CADM2: variants seen among roughly 807,000 people sequenced by gnomAD.
The protein encoded by CADM2 is cell adhesion molecule 2.
A neutral mutation model predicts 49.8 loss-of-function variants in CADM2; 12 were observed. That is an observed-to-expected ratio of 0.24 (90% CI 0.15 to 0.39). The LOEUF (loss-of-function observed/expected upper bound fraction) is 0.39. Ranked by LOEUF, CADM2 falls within the 10% of genes least tolerant of loss-of-function variation. CADM2 has a pLI of 1.00. For missense variants in CADM2, 378 were observed against 492.3 expected (o/e 0.77, Z 2.20); for synonymous variants, 214 against 175.4 (o/e 1.22, Z -1.74).
At chr3:85,410,094 C>T (rs1014250427) in intron 1 of CADM2, among the ~76,000 whole-genome samples, 1 of 152,124 alleles carries the variant, frequency 6.6e-6, no homozygotes, top group Non-Finnish European at 1.5e-5. Context: ...GAAAGGAATA[C>T]AGGCTGCCAA....
At chr3:85,850,205 A>G (rs1296122319) in intron 3 of CADM2, among the ~76,000 whole-genome samples, 4 of 151,790 alleles carry the variant, frequency 2.6e-5, no homozygotes, top group African/African-American at 9.7e-5. Context: ...AAGGATTATT[A>G]TCACTGTGCC....
chr3:85,240,485 A>G lies in CADM2; in HGVS notation c.61+280817A>G, dbSNP rs537528033. Among the ~76,000 whole-genome samples the G allele has an allele frequency of 3.6e-4, 55 of 151,612 alleles. 1 individual carries two copies. The highest frequency in any genetic ancestry group is 6.7e-4 in the Non-Finnish European group (45 of 67,556). ...CAACATCAACAACATATTCAATCAT[A>G]ATATATTATCAGACTAGGTTAATAG... is the stretch of plus-strand genomic sequence containing the variant. On this transcript the variant is annotated intron_variant, in intron 1 of 9. Coordinates refer to ENST00000383699, the MANE Select transcript of CADM2 (RefSeq NM_001167675.2).
In CADM2 at chr3:85,373,212, C is replaced by T. The variant is rs568006331; in HGVS notation, c.62-353310C>T. Reference sequence around the variant, plus strand: ...TTATTTTCTAGATACGATGGGGCTACAGGCATTGGTAAATACACCCATTCC... The same window carrying T: ...TTATTTTCTAGATACGATGGGGCTATAGGCATTGGTAAATACACCCATTCC... On this transcript the variant is annotated intron_variant, in intron 1 of 9. Coordinates refer to ENST00000383699, the MANE Select transcript of CADM2 (RefSeq NM_001167675.2). Among the ~76,000 whole-genome samples, 136 of 152,262 alleles carry T rather than the reference C, an allele frequency of 8.9e-4. 3 individuals carry two copies. Among genetic ancestry groups the T allele is most frequent in the Admixed American group, 8.6e-3 (132 of 15,288 alleles).
chr3:85,322,185 G>A (rs114456153), intron 1 of CADM2, among the ~76,000 whole-genome samples: 265 of 152,180 alleles, frequency 1.7e-3, no homozygotes, highest in African/African-American at 5.9e-3. Context: ...ATATAACCTC[G>A]AAAATAGTAG....
chr3:85,583,064 G>A (rs2062840871), intron 1 of CADM2, among the ~76,000 whole-genome samples: 1 of 152,052 alleles, frequency 6.6e-6, no homozygotes, highest in South Asian at 2.1e-4. Context: ...TATGTTGGTG[G>A]GGATTTTTAA....
At chr3:85,148,258 C>G (rs1311376135) in intron 1 of CADM2, among the ~76,000 whole-genome samples, 4 of 152,122 alleles carry the variant, frequency 2.6e-5, no homozygotes, top group African/African-American at 9.7e-5. Flanking sequence ...GCAGAGCTTC[C>G]TAGGCTGCTA....
chr3:85,455,488 G>T (rs766732915), intron 1 of CADM2, among the ~76,000 whole-genome samples: 10 of 152,164 alleles, frequency 6.6e-5, no homozygotes, highest in African/African-American at 1.4e-4. Context: ...TTGATAAGCA[G>T]AAAAATGTCT....
At chr3:85,693,566 C>CAAAAAAAAA (rs562723713) in intron 1 of CADM2, among the ~76,000 whole-genome samples, 11 of 76,104 alleles carry the variant, frequency 1.4e-4, no homozygotes, top group East Asian at 3.9e-4. Flanking sequence ...GGCGAAAGAG[C>CAAAAAAAAA]AAAAAAAAAA....
chr3:85,667,592 T>G (rs921942067), intron 1 of CADM2, among the ~76,000 whole-genome samples: 2 of 151,956 alleles, frequency 1.3e-5, no homozygotes, highest in Non-Finnish European at 2.9e-5. Context: ...TCAGGATAAC[T>G]CTAGGGGGAT....
chr3:86,043,470 C>T (rs1323950695), intron 8 of CADM2, among the ~76,000 whole-genome samples: 10 of 152,148 alleles, frequency 6.6e-5, no homozygotes, highest in Admixed American at 3.9e-4. Context: ...CTCCCATTCA[C>T]AATTGCTTCA....
At chr3:84,986,351 C>T (rs186005542) in intron 1 of CADM2, among the ~76,000 whole-genome samples, 1 of 152,236 alleles carries the variant, frequency 6.6e-6, no homozygotes, top group East Asian at 1.9e-4. Flanking sequence ...ATATGGGGGT[C>T]ATGTCTTCCT....
intron 1 of CADM2, among the ~76,000 whole-genome samples, chr3:85,624,561 G>C (rs1219633337): frequency 6.6e-6 from 1 of 151,982 alleles, no homozygotes; most frequent in Non-Finnish European, 1.5e-5. Context: ...TCAAACTCCT[G>C]ACCTCGTCAT....
rs904092062 is a variant in CADM2 at position 86,073,326 on chromosome 3, C to T, written c.*6543C>T. 6.6e-6 allele frequency: 1 copy of T among 151,918 alleles called. No individual in the cohort carries two copies. Among genetic ancestry groups the T allele is most frequent in the African/African-American group, 2.4e-5 (1 of 41,402 alleles). The allele number at this position is 151,918 out of a possible 1,614,324, so 9.4% of individuals were successfully genotyped here. A position where few individuals can be genotyped will look rare whatever the true frequency, so the allele number is the denominator to read the frequency against. ...TTTATGACAGCATAAAAAATAAATT[C>T]TGTGCTATAAAGAAGATCCAACAAA... On this transcript the variant is annotated 3_prime_UTR_variant, in exon 10 of 10. Transcript: ENST00000383699.
chr3:85,250,008 T>A (rs1484134506), intron 1 of CADM2, among the ~76,000 whole-genome samples: 1 of 151,910 alleles, frequency 6.6e-6, no homozygotes, highest in East Asian at 1.9e-4. Flanking sequence ...TTCATTATAT[T>A]TGAACACTTT....
chr3:85,522,793 G>A (rs2061056310), intron 1 of CADM2, among the ~76,000 whole-genome samples: 2 of 151,956 alleles, frequency 1.3e-5, no homozygotes, highest in Admixed American at 6.6e-5. Flanking sequence ...AGGAATTTGG[G>A]TTTACAGAGT....
chr3:85,303,984 C>A (rs1576317546), intron 1 of CADM2, among the ~76,000 whole-genome samples: 4 of 151,836 alleles, frequency 2.6e-5, no homozygotes, highest in African/African-American at 7.2e-5. Context: ...AATCCTAGCA[C>A]CCTCCACATA....
intron 1 of CADM2, among the ~76,000 whole-genome samples, chr3:85,549,470 G>A (rs757629714): frequency 2.6e-5 from 4 of 152,038 alleles, no homozygotes; most frequent in South Asian, 2.1e-4. Context: ...ATACATCATC[G>A]CCTAACAGAG....
intron 3 of CADM2, among the ~76,000 whole-genome samples, chr3:85,838,682 A>C (rs1014432149): frequency 6.6e-6 from 1 of 151,722 alleles, no homozygotes; most frequent in Non-Finnish European, 1.5e-5. Context: ...AGGTTGAAAA[A>C]ATCATCAGAT....
chr3:85,430,782 T>C (rs1374864701), intron 1 of CADM2, among the ~76,000 whole-genome samples: 1 of 152,026 alleles, frequency 6.6e-6, no homozygotes, highest in Non-Finnish European at 1.5e-5. Context: ...TTGTTGTACT[T>C]TTGTTACAGT....
Sources: allele counts gnomAD v4.1 joint callset (sites outside exome capture counted in the v4.1 genomes callset), GRCh38; gene constraint gnomAD v4.1.1; transcripts MANE v1.5; gene names NCBI Gene and HGNC (gene_info 2026-07-23, HGNC 2026-07-21).